Variants in DIAPH3 observed in about 807,000 individuals in gnomAD.
DIAPH3 encodes the protein diaphanous related formin 3.
DIAPH3 carries 117 observed loss-of-function variants against 144.3 expected under a neutral mutation model. The observed-to-expected ratio is 0.81, with a 90% CI of 0.70 to 0.95. The LOEUF (loss-of-function observed/expected upper bound fraction) is 0.95. Ranked by LOEUF, DIAPH3 falls within the 40% of genes least tolerant of loss-of-function variation. The probability of loss-of-function intolerance (pLI) is 0.00; values close to 1 mark genes in which losing one functional copy is unlikely to be tolerated. For missense variants in DIAPH3, 1,421 were observed against 1,412.7 expected, an observed-to-expected ratio of 1.01 and a Z score of -0.09; for synonymous variants, 519 against 488.9, an observed-to-expected ratio of 1.06 and a Z score of -0.81.
Position 59,991,034 on chromosome 13 carries a change from C to A in DIAPH3, c.1361+124G>T. The A allele has an allele frequency of 6.3e-6, 4 of 639,414 alleles. No individual in the cohort carries two copies. The South Asian group carries it at 7.6e-5, about 12-fold the overall frequency. The allele number at this position is 639,414 out of a possible 1,614,324, so 39.6% of individuals were successfully genotyped here. A position where few individuals can be genotyped will look rare whatever the true frequency, so the allele number is the denominator to read the frequency against. On this transcript the variant is annotated intron_variant, in intron 12 of 27. Coordinates refer to ENST00000400324, the MANE Select transcript of DIAPH3 (RefSeq NM_001042517.2). ...ATATGCCCAGAGAAAACAACACATTCTATGAATCAGTGTTATGACAAAAAT... is the reference window on the plus strand; with the variant it reads ...ATATGCCCAGAGAAAACAACACATTATATGAATCAGTGTTATGACAAAAAT...
rs115698209 is a variant in DIAPH3 at position 60,046,972 on chromosome 13, C to T, written c.496-4152G>A. ...GGGAACTTCACATACCGGGGCTTTTCGGGGGGTTGGGGGGCTAAGAGAGGG... is the reference window on the plus strand; with the variant it reads ...GGGAACTTCACATACCGGGGCTTTTTGGGGGGTTGGGGGGCTAAGAGAGGG... On this transcript the variant is annotated intron_variant, in intron 4 of 27. Coordinates refer to ENST00000400324, the MANE Select transcript of DIAPH3 (RefSeq NM_001042517.2). 1.7e-3 allele frequency among the ~76,000 whole-genome samples: 253 copies of T among 149,196 alleles called. 2 individuals are homozygous for T. The highest frequency in any genetic ancestry group is 5.9e-3 in the African/African-American group (239 of 40,306).
chr13:59,760,633 T>C (rs768001125), intron 27 of DIAPH3, among the ~76,000 whole-genome samples: 8 of 152,228 alleles, frequency 5.3e-5, no homozygotes, highest in Admixed American at 6.5e-5. Flanking sequence ...TTCTGCTGCA[T>C]ACATGCTTTA....
Position 59,965,051 on chromosome 13 carries a change from G to A in DIAPH3, c.2074+4893C>T, listed in dbSNP as rs373645259. Among the ~76,000 whole-genome samples, 566 of 152,248 alleles carry A rather than the reference G, an allele frequency of 3.7e-3. 2 individuals are homozygous for A. The highest frequency in any genetic ancestry group is 0.012 in the African/African-American group (500 of 41,558). ...TTTATACACATTTGTTTGTATAGAG[G>A]AATAAATTATGTTTCAAACACAATG... On this transcript the variant is annotated intron_variant, in intron 17 of 27. Transcript: ENST00000400324.
chr13:60,014,869 T>A (rs1192627764), intron 7 of DIAPH3, among the ~76,000 whole-genome samples: 1 of 152,192 alleles, frequency 6.6e-6, no homozygotes, highest in Non-Finnish European at 1.5e-5. Context: ...TAATGCTAAT[T>A]TCTACAGTTA....
chr13:59,783,597 T>C (rs341566), intron 25 of DIAPH3, among the ~76,000 whole-genome samples: 101,047 of 152,040 alleles, frequency 0.66, 33,951 homozygotes, highest in East Asian at 0.72. Context: ...AGAACACAAG[T>C]TCTGAATTCA....
At chr13:59,721,683 T>C (rs1262257195) in intron 27 of DIAPH3, among the ~76,000 whole-genome samples, 2 of 152,224 alleles carry the variant, frequency 1.3e-5, no homozygotes, top group Admixed American at 1.3e-4. Context: ...CTTTTCATTT[T>C]ATGTTCATCT....
At chr13:59,833,922 C>CAAATA (rs1555310635) in intron 23 of DIAPH3, among the ~76,000 whole-genome samples, 1 of 10,430 alleles carries the variant, frequency 9.6e-5, no homozygotes, top group Non-Finnish European at 2.0e-3. Context: ...GTTCTAAAAG[C>CAAATA]AAACAAAATT....
intron 17 of DIAPH3, among the ~76,000 whole-genome samples, chr13:59,934,031 A>G (rs537264047): frequency 6.6e-6 from 1 of 152,328 alleles, no homozygotes; most frequent in Admixed American, 6.5e-5. Flanking sequence ...AAGATTTCAT[A>G]TAAATGTTAT....
chr13:59,946,424 A>ATTCT (rs1038969992), intron 17 of DIAPH3, among the ~76,000 whole-genome samples: 3 of 152,186 alleles, frequency 2.0e-5, no homozygotes, highest in Non-Finnish European at 2.9e-5. Flanking sequence ...ACCTGATACC[A>ATTCT]TTCTTTACAT....
chr13:59,912,686 T>G (rs1052279451), intron 19 of DIAPH3, among the ~76,000 whole-genome samples: 3 of 152,128 alleles, frequency 2.0e-5, no homozygotes, highest in Admixed American at 2.0e-4. Context: ...AAAAGAGTGG[T>G]TGGTGCTCAC....
chr13:59,907,730 A>G (rs1234247286), intron 20 of DIAPH3, among the ~76,000 whole-genome samples: 1 of 152,236 alleles, frequency 6.6e-6, no homozygotes, highest in Admixed American at 6.5e-5. Context: ...CAAGAAGGTA[A>G]CTTAAGTTTC....
chr13:59,697,599 C>A (rs1051723445), intron 27 of DIAPH3, among the ~76,000 whole-genome samples: 2 of 151,068 alleles, frequency 1.3e-5, no homozygotes, highest in African/African-American at 2.4e-5. Flanking sequence ...ATTAAGTCAT[C>A]GCAGCTACCA....
intron 12 of DIAPH3, among the ~76,000 whole-genome samples, chr13:59,984,369 A>C (rs2051244028): frequency 6.6e-6 from 1 of 151,762 alleles, no homozygotes; most frequent in Non-Finnish European, 1.5e-5. Context: ...ACTGTAAGTT[A>C]TATATAATAT....
intron 4 of DIAPH3, among the ~76,000 whole-genome samples, chr13:60,090,046 T>A (rs567143219): frequency 1.3e-5 from 2 of 152,200 alleles, no homozygotes; most frequent in South Asian, 4.2e-4. Flanking sequence ...CTCTGTGACA[T>A]CAAGCACCGT....
Position 60,156,933 on chromosome 13 carries a change from ATATATATTTTTTTTTT to A in DIAPH3, c.180+6638_180+6653del, listed in dbSNP as rs1278217603. On this transcript the variant is annotated intron_variant, in intron 1 of 27. Coordinates refer to ENST00000400324, the MANE Select transcript of DIAPH3 (RefSeq NM_001042517.2). Reference sequence around the variant, plus strand: ...CCAGATCCTTCATATATATATATATATATATATTTTTTTTTTTTTTTTTTTTGAGACAGAGGAGTCT... The same window carrying A: ...CCAGATCCTTCATATATATATATATATTTTTTTTTTGAGACAGAGGAGTCT... Among the ~76,000 whole-genome samples the A allele has an allele frequency of 3.8e-4, 20 of 52,330 alleles. 2 individuals carry two copies. Among genetic ancestry groups the A allele is most frequent in the Middle Eastern group, 8.8e-3 (1 of 114 alleles). 34.3% of individuals were successfully genotyped at this position (52,330 alleles called of 152,430 possible). A position where few individuals can be genotyped will look rare whatever the true frequency, so the allele number is the denominator to read the frequency against.
At chr13:59,728,559 A>G (rs975714687) in intron 27 of DIAPH3, among the ~76,000 whole-genome samples, 8 of 152,018 alleles carry the variant, frequency 5.3e-5, no homozygotes, top group African/African-American at 1.9e-4. Flanking sequence ...ATTTTTGTAA[A>G]TTTTCCATTT....
intron 5 of DIAPH3, among the ~76,000 whole-genome samples, chr13:60,029,585 C>T (rs1360647672): frequency 1.3e-5 from 2 of 152,222 alleles, no homozygotes; most frequent in East Asian, 1.9e-4. Flanking sequence ...TGGCATTTGC[C>T]CTGCTTCCAC....
intron 25 of DIAPH3, among the ~76,000 whole-genome samples, chr13:59,781,902 G>A (rs2038759865): frequency 6.6e-6 from 1 of 152,136 alleles, no homozygotes; most frequent in African/African-American, 2.4e-5. Flanking sequence ...GTTCAAGGAA[G>A]CTGTTAGTCC....
intron 5 of DIAPH3, among the ~76,000 whole-genome samples, chr13:60,035,136 T>G (rs1436327678): frequency 6.6e-6 from 1 of 152,174 alleles, no homozygotes; most frequent in Non-Finnish European, 1.5e-5. Flanking sequence ...CACTTTACAA[T>G]TCCAGGCCCT....
Sources: gnomAD v4.1 joint callset for allele counts (sites outside exome capture counted in the v4.1 genomes callset) on GRCh38, gnomAD v4.1.1 for gene constraint, MANE v1.5 for transcripts, NCBI Gene and HGNC (gene_info 2026-07-23, HGNC 2026-07-21) for gene names.